The following TXNRD2 variants were observed in gnomAD, a reference collection of about 807,000 sequenced individuals.
TXNRD2 encodes the protein thioredoxin reductase 2.
In TXNRD2, 67 loss-of-function variants were observed where a neutral mutation model predicts 70.8. The ratio of observed to expected loss-of-function variants is 0.95; its 90% CI spans 0.78 to 1.16. The LOEUF (loss-of-function observed/expected upper bound fraction) is 1.16. Among genes scored for constraint, TXNRD2 ranks in the 50% most tolerant of loss-of-function variants. The pLI, the probability that TXNRD2 is intolerant of heterozygous loss-of-function variation, is 0.00. For missense variants in TXNRD2, 644 were observed against 719.9 expected, an observed-to-expected ratio of 0.89 and a Z score of 1.21; for synonymous variants, 301 against 295.8, an observed-to-expected ratio of 1.02 and a Z score of -0.18.
intron 8 of TXNRD2, among the ~76,000 whole-genome samples, chr22:19,904,168 C>A (rs1244156601): frequency 6.6e-6 from 1 of 152,158 alleles, no homozygotes; most frequent in Non-Finnish European, 1.5e-5. Context: ...ACGTCCCCCG[C>A]CCCACCCCAG....
chr22:19,877,282 G>GCTGT, intron 16 of TXNRD2, 48 bp from the exon 17 acceptor site: 1 of 1,532,156 alleles, frequency 6.5e-7, no homozygotes, highest in Non-Finnish European at 9.0e-7. Context: ...ACAGGGAGGG[G>GCTGT]GGTCCACAGC....
Position 19,880,168 on chromosome 22 carries a change from C to T in TXNRD2, c.1275+11G>A. On this transcript the variant is annotated intron_variant, in intron 14 of 17. Transcript: ENST00000400521. ...GCCACTGTCCTCAGCTGTGCTGCTC[C>T]CAGGCCTCACCTCAACATGCTCCTG... The T allele has an allele frequency of 1.2e-6, 2 of 1,612,670 alleles. No individual in the cohort carries two copies. The highest frequency in any genetic ancestry group is 1.1e-5 in the South Asian group (1 of 91,082).
intron 1 of TXNRD2, chr22:19,932,615 C>A (rs1941409308): frequency 1.4e-6 from 2 of 1,413,056 alleles, no homozygotes; most frequent in Non-Finnish European, 1.9e-6. Flanking sequence ...AATAGCAAGT[C>A]ATCAGTCTGC....
chr22:19,877,266 G>T (rs771501173), intron 16 of TXNRD2, 32 bp from the exon 17 acceptor site: 5 of 1,599,150 alleles, frequency 3.1e-6, no homozygotes, highest in African/African-American at 2.7e-5. Context: ...GGCAGGCGGG[G>T]TCAGCACAGG....
At chr22:19,916,003 G>GGATGGCAAC in intron 5 of TXNRD2, 160 bp from the exon 6 acceptor site, 1 of 664,960 alleles carries the variant, frequency 1.5e-6, no homozygotes, top group Non-Finnish European at 2.7e-6. Context: ...ATGCTGAGAA[G>GGATGGCAAC]CATGGAGGGG....
At chr22:19,930,969 C>T in intron 2 of TXNRD2, 61 bp downstream of exon 2, 1 of 1,509,274 alleles carries the variant, frequency 6.6e-7, no homozygotes, top group Admixed American at 1.7e-5. Context: ...TGGACAGCAC[C>T]ACCCTCTCTA....
intron 14 of TXNRD2, among the ~76,000 whole-genome samples, chr22:19,879,884 C>G (rs1938683098): frequency 6.6e-6 from 1 of 152,132 alleles, no homozygotes; most frequent in Non-Finnish European, 1.5e-5. Flanking sequence ...TTCTGGGCCA[C>G]AGGGCTTCTC....
At chr22:19,939,583 C>T (rs930532729) in intron 1 of TXNRD2, among the ~76,000 whole-genome samples, 3 of 151,714 alleles carry the variant, frequency 2.0e-5, no homozygotes, top group Non-Finnish European at 2.9e-5. Context: ...TCTATACTAA[C>T]GATAGTGTGT....
chr22:19,910,723 A>G (rs930281874), intron 8 of TXNRD2, among the ~76,000 whole-genome samples: 1 of 152,092 alleles, frequency 6.6e-6, no homozygotes, highest in African/African-American at 2.4e-5. Flanking sequence ...CCTCCCACCT[A>G]AAGCCTCCCA....
intron 3 of TXNRD2, 86 bp from the exon 4 acceptor site, chr22:19,919,090 T>C: frequency 2.8e-6 from 4 of 1,409,752 alleles, no homozygotes; most frequent in Non-Finnish European, 3.9e-6. Flanking sequence ...TGGAATTCCT[T>C]AAAGTTGCTT....
intron 1 of TXNRD2, 48 bp from the exon 2 acceptor site, chr22:19,931,146 G>C: frequency 6.4e-7 from 1 of 1,564,780 alleles, no homozygotes; most frequent in Non-Finnish European, 8.8e-7. Context: ...CTGGTTAAAC[G>C]TGGTACAGGA....
At chr22:19,908,100 CTGCTCT>C (rs1345253815) in intron 8 of TXNRD2, among the ~76,000 whole-genome samples, 1 of 120,746 alleles carries the variant, frequency 8.3e-6, no homozygotes. Context: ...GTAGCAGTGA[CTGCTCT>C]CAGGAGAGTG....
At chr22:19,902,385 G>T (rs1432765437) in intron 8 of TXNRD2, among the ~76,000 whole-genome samples, 1 of 152,158 alleles carries the variant, frequency 6.6e-6, no homozygotes, top group Admixed American at 6.5e-5. Flanking sequence ...TCAGGCCCAC[G>T]AAGCCTAGGC....
chr22:19,929,759 TG>T (rs1180913394), intron 2 of TXNRD2, among the ~76,000 whole-genome samples: 2 of 152,010 alleles, frequency 1.3e-5, no homozygotes, highest in African/African-American at 4.8e-5. Context: ...ACTAACGGGG[TG>T]GAGGACACAC....
At position 19,918,874 on chromosome 22, in the gene TXNRD2, G is replaced by A. The variant is rs780233789; in HGVS notation, c.360C>T (p.Pro120=). 33 of 1,609,630 alleles carry A rather than the reference G, an allele frequency of 2.1e-5. No homozygotes were observed. The highest frequency in any genetic ancestry group is 1.7e-4 in the Middle Eastern group (1 of 6,060). ...CAGATCCTTACCAGTCATGCGGCAC[G>A]GGCTGGGCCACCTCCCAGCCATAGT... ...APNYGWEVAQ[P]VPHDWRKMAE... is the part of the protein sequence containing the mutation. Residue 120 remains proline, a synonymous_variant, in exon 4 of 18, where the codon CCC becomes CCT. Coordinates refer to ENST00000400521, the MANE Select transcript of TXNRD2 (RefSeq NM_006440.5).
At chr22:19,905,088 T>C (rs921884838) in intron 8 of TXNRD2, among the ~76,000 whole-genome samples, 1 of 152,152 alleles carries the variant, frequency 6.6e-6, no homozygotes, top group Non-Finnish European at 1.5e-5. Flanking sequence ...CAGAGGAATG[T>C]AACATGTAAA....
rs772927817 is a variant in TXNRD2, at chr22:19,883,464, GA to G, written c.950-4del. 6.2e-7 allele frequency: 1 copy of G among 1,614,012 alleles called. No individual in the cohort carries two copies. The highest frequency in any genetic ancestry group is 1.1e-5 in the South Asian group (1 of 91,086). The stretch of plus-strand genomic sequence containing the variant: ...ACTTCTGGTGTCTGGGACTCGACCT[GA>G]AGGAAACAGAGAGGGGGCTGAAAGG... On this transcript the variant is annotated splice_polypyrimidine_tract_variant and splice_region_variant and intron_variant, in intron 11 of 17. Transcript: ENST00000400521.
At chr22:19,909,828 AC>A (rs1333354721) in intron 8 of TXNRD2, among the ~76,000 whole-genome samples, 1,306 of 95,350 alleles carry the variant, frequency 0.014, 40 homozygotes, top group South Asian at 0.032. Context: ...CACACCACAC[AC>A]CACACACACC....
At chr22:19,938,951 C>A (rs898458687) in intron 1 of TXNRD2, among the ~76,000 whole-genome samples, 30 of 152,252 alleles carry the variant, frequency 2.0e-4, no homozygotes, top group African/African-American at 7.0e-4. Flanking sequence ...ACTCTGACTG[C>A]AGCTAAATGC....
Sources: gnomAD v4.1 joint callset for allele counts (sites outside exome capture counted in the v4.1 genomes callset) on GRCh38, gnomAD v4.1.1 for gene constraint, MANE v1.5 for transcripts, NCBI Gene and HGNC (gene_info 2026-07-23, HGNC 2026-07-21) for gene names.